The following GSTM4 variants were observed in gnomAD, a reference collection of about 807,000 sequenced individuals.
GSTM4 encodes the protein GST class-mu 4.
Under a neutral mutation model 30.1 loss-of-function variants are expected in GSTM4, and 27 were observed. The ratio of observed to expected loss-of-function variants is 0.90; its 90% confidence interval spans 0.66 to 1.24. The LOEUF is 1.24. Ranked by LOEUF, GSTM4 falls within the 50% of genes most tolerant of loss-of-function variation. The pLI is 0.00. For missense variants in GSTM4, 238 were observed against 272.1 expected (o/e 0.87, Z 0.88); for synonymous variants, 94 against 96.2 (o/e 0.98, Z 0.13).
downstream of GSTM4, among the ~76,000 whole-genome samples, chr1:109,664,239 G>T (rs1647218204): frequency 6.8e-6 from 1 of 147,606 alleles, no homozygotes. Flanking sequence ...TGGTTTTTGG[G>T]TACTTTATTT....
At chr1:109,662,924 CT>C (rs758341245), downstream of GSTM4, among the ~76,000 whole-genome samples, 17 of 152,276 alleles carry the variant, frequency 1.1e-4, no homozygotes, top group East Asian at 3.1e-3. Context: ...CCAAAAGCAG[CT>C]TTATTTTAAA....
intron 5 of GSTM4, 87 bp from the exon 6 acceptor site, chr1:109,658,727 C>T: frequency 1.1e-6 from 1 of 927,512 alleles, no homozygotes; most frequent in Non-Finnish European, 1.8e-6. Context: ...TGCTCGTGGC[C>T]AGCTGGGGCC....
chr1:109,662,476 G>C (rs1433260281), downstream of GSTM4, among the ~76,000 whole-genome samples: 1 of 152,204 alleles, frequency 6.6e-6, no homozygotes, highest in African/African-American at 2.4e-5. Flanking sequence ...AATAGTTGTT[G>C]ATTTTGTGGG....
chr1:109,656,828 G>A (rs775907142), intron 2 of GSTM4, 41 bp downstream of exon 2: 63 of 1,598,046 alleles, frequency 3.9e-5, no homozygotes, highest in Non-Finnish European at 5.3e-5. Context: ...CACTCACGCT[G>A]AGTTGGCACC....
rs574299621 is a variant in GSTM4, at chr1:109,657,571, C to T, written c.178-19C>T. 71 of 1,614,228 alleles carry T rather than the reference C, an allele frequency of 4.4e-5. No individual in the cohort carries two copies. Among genetic ancestry groups the T allele is most frequent in the African/African-American group, 2.1e-4 (16 of 75,052 alleles). On this transcript the variant is annotated intron_variant, in intron 3 of 7. Coordinates refer to ENST00000369836, the MANE Select transcript of GSTM4 (RefSeq NM_000850.5). ...GCCTGCTGGCCCAACTGAGCTTCCC[C>T]GGTTTCCCATCTATCCAGCTGCCCT...
At chr1:109,665,394 A>G (rs954467385), downstream of GSTM4, 6 of 273,236 alleles carry the variant, frequency 2.2e-5, no homozygotes, top group Non-Finnish European at 2.8e-5. Context: ...CTGCTTCTCT[A>G]TCCTGCAGTC....
downstream of GSTM4, chr1:109,664,972 C>G (rs770540059): frequency 1.9e-6 from 3 of 1,610,728 alleles, no homozygotes; most frequent in Admixed American, 5.0e-5. Flanking sequence ...GACCTTCTCT[C>G]TAATAGGCAC....
At chr1:109,665,781 T>G (rs1030246395), downstream of GSTM4, among the ~76,000 whole-genome samples, 30 of 152,164 alleles carry the variant, frequency 2.0e-4, no homozygotes, top group African/African-American at 6.0e-4. Flanking sequence ...CTGTTGATGA[T>G]CATTATTTTA....
downstream of GSTM4, among the ~76,000 whole-genome samples, chr1:109,664,077 A>G (rs1652387093): frequency 6.6e-6 from 1 of 152,216 alleles, no homozygotes; most frequent in African/African-American, 2.4e-5. Flanking sequence ...GGCAGTCTAT[A>G]TGCATGCCTA....
chr1:109,662,870 T>C (rs948424681), downstream of GSTM4, among the ~76,000 whole-genome samples: 8 of 152,180 alleles, frequency 5.3e-5, no homozygotes, highest in Non-Finnish European at 1.2e-4. Flanking sequence ...TCCCACCCTA[T>C]AGGAATGAGT....
chr1:109,656,682 C>T, intron 1 of GSTM4, 30 bp from the exon 2 acceptor site: 1 of 1,610,424 alleles, frequency 6.2e-7, no homozygotes, highest in South Asian at 1.1e-5. Context: ...CCCTCCATCT[C>T]TGACACGACC....
At chr1:109,660,478 G>A (rs1252828509) in intron 7 of GSTM4, 1 of 153,852 alleles carries the variant, frequency 6.5e-6, no homozygotes, top group Non-Finnish European at 1.4e-5. Flanking sequence ...TGCTTTAAAA[G>A]GAATGATTAG....
At position 109,657,869 on chromosome 1, in the gene GSTM4, C is replaced by T. The variant is rs3211192; in HGVS notation, c.357C>T (p.Asp119=). 6.8e-6 allele frequency: 11 copies of T among 1,613,618 alleles called. No homozygotes were observed. Among genetic ancestry groups the T allele is most frequent in the Non-Finnish European group, 9.3e-6 (11 of 1,179,468 alleles). Residue 119 remains aspartate (D), a synonymous_variant, in exon 5 of 8, where the codon GAC becomes GAT. Coordinates refer to ENST00000369836, the MANE Select transcript of GSTM4 (RefSeq NM_000850.5). ...TGGCCAGAGTCTGCTACAGCCCTGA[C>T]TTTGTGAGTCCCTCCCTGGTCTGGA... ...NQLARVCYSP[D]FEKLKPEYLE...
intron 7 of GSTM4, chr1:109,659,882 C>G: frequency 2.0e-6 from 1 of 512,206 alleles, no homozygotes; most frequent in Non-Finnish European, 3.4e-6. Context: ...GTGTGAGGCA[C>G]AGTGGGAGTT....
chr1:109,656,546 A>G (rs1651992327), intron 1 of GSTM4, 121 bp downstream of exon 1: 5 of 662,234 alleles, frequency 7.6e-6, no homozygotes, highest in African/African-American at 2.5e-5. Flanking sequence ...GGGCCTGTGC[A>G]TGCCTGTGTG....
chr1:109,656,180 C>A lies in GSTM4; in HGVS notation c.-210C>A. The A allele has an allele frequency of 1.7e-6, 1 of 592,728 alleles. No individual in the cohort carries two copies. Among genetic ancestry groups the A allele is most frequent in the Non-Finnish European group, 3.1e-6 (1 of 319,762 alleles). 36.7% of individuals were successfully genotyped at this position (592,728 alleles called of 1,614,324 possible). On this transcript the variant is annotated 5_prime_UTR_variant, in exon 1 of 8. Coordinates refer to ENST00000369836, the MANE Select transcript of GSTM4 (RefSeq NM_000850.5). ...CTTCCAGCCAGTGAGGATCCAGCAACCTGCTCCGTGCCTCCCGCGCCTGTT... is the reference window on the plus strand; with the variant it reads ...CTTCCAGCCAGTGAGGATCCAGCAAACTGCTCCGTGCCTCCCGCGCCTGTT...
chr1:109,656,488 G>C (rs937692001), intron 1 of GSTM4, 63 bp downstream of exon 1: 81 of 1,582,400 alleles, frequency 5.1e-5, no homozygotes, highest in Non-Finnish European at 6.6e-5. Flanking sequence ...GAGCGGCTGG[G>C]GACCGGCTCT....
At chr1:109,657,078 C>T (rs990417408) in intron 2 of GSTM4, 137 bp from the exon 3 acceptor site, 5 of 886,308 alleles carry the variant, frequency 5.6e-6, no homozygotes, top group South Asian at 5.6e-5. Context: ...TCCCTGAACC[C>T]TGGGATGTGG....
chr1:109,657,938 C>T (rs1652112893), intron 5 of GSTM4, 66 bp downstream of exon 5: 2 of 1,343,694 alleles, frequency 1.5e-6, no homozygotes, highest in Non-Finnish European at 2.1e-6. Context: ...GTCCTATTCA[C>T]AATTTGAACT....
Sources: gnomAD v4.1 joint callset for allele counts (sites outside exome capture counted in the v4.1 genomes callset) on GRCh38, gnomAD v4.1.1 for gene constraint, MANE v1.5 for transcripts, NCBI Gene and HGNC (gene_info 2026-07-23, HGNC 2026-07-21) for gene names.